Variants in UNC13B observed in about 807,000 individuals in gnomAD.
UNC13B encodes the protein protein unc-13 homolog B.
UNC13B carries 144 observed loss-of-function variants against 211.0 expected under a neutral mutation model. That is an observed-to-expected ratio of 0.68 (90% CI 0.60 to 0.78). UNC13B has a LOEUF of 0.78. Ranked by LOEUF, UNC13B falls within the 30% of genes least tolerant of loss-of-function variation. The probability of loss-of-function intolerance (pLI) is 0.00; values close to 1 mark genes in which losing one functional copy is unlikely to be tolerated. For missense variants in UNC13B, 1,777 were observed against 2,002.0 expected, an observed-to-expected ratio of 0.89 and a Z score of 2.14; for synonymous variants, 709 against 725.8, an observed-to-expected ratio of 0.98 and a Z score of 0.37.
intron 1 of UNC13B, among the ~76,000 whole-genome samples, chr9:35,224,517 G>A (rs1020337992): frequency 6.6e-6 from 1 of 152,164 alleles, no homozygotes; most frequent in East Asian, 1.9e-4. Context: ...CAGATCTAGA[G>A]TTAAAAACAA....
chr9:35,333,481 T>A (rs1392149140), intron 11 of UNC13B, among the ~76,000 whole-genome samples: 1 of 152,196 alleles, frequency 6.6e-6, no homozygotes, highest in Non-Finnish European at 1.5e-5. Flanking sequence ...ATATCATACA[T>A]GTAGAGCAGG....
intron 1 of UNC13B, among the ~76,000 whole-genome samples, chr9:35,181,791 C>T (rs1821954365): frequency 6.6e-6 from 1 of 152,142 alleles, no homozygotes; most frequent in African/African-American, 2.4e-5. Flanking sequence ...GAGGCCAGAT[C>T]AGCCACTGCA....
At chr9:35,220,860 A>G (rs1479985925) in intron 1 of UNC13B, among the ~76,000 whole-genome samples, 2 of 152,120 alleles carry the variant, frequency 1.3e-5, no homozygotes, top group African/African-American at 4.8e-5. Flanking sequence ...GACTCTAATA[A>G]TTATATTCCT....
intron 11 of UNC13B, among the ~76,000 whole-genome samples, chr9:35,315,868 C>T (rs890386284): frequency 2.0e-5 from 3 of 152,144 alleles, no homozygotes; most frequent in East Asian, 1.9e-4. Context: ...TCCTCATGTC[C>T]GGACTGAGGC....
intron 1 of UNC13B, among the ~76,000 whole-genome samples, chr9:35,183,960 C>T (rs1425203076): frequency 4.2e-5 from 6 of 142,934 alleles, no homozygotes; most frequent in Non-Finnish European, 7.6e-5. Flanking sequence ...ACCACCCAGA[C>T]GGGGCGGCGG....
chr9:35,394,457 G>A (rs1278018252), intron 26 of UNC13B, among the ~76,000 whole-genome samples: 4 of 152,108 alleles, frequency 2.6e-5, no homozygotes, highest in Admixed American at 6.5e-5. Context: ...TTAGCCAGGT[G>A]TGCTGGCACA....
chr9:35,237,418 A>C (rs1825573505), intron 4 of UNC13B, among the ~76,000 whole-genome samples: 1 of 152,188 alleles, frequency 6.6e-6, no homozygotes, highest in African/African-American at 2.4e-5. Flanking sequence ...TGCAGGTTAA[A>C]TATTGATCCA....
At chr9:35,364,428 C>G in intron 11 of UNC13B, 5 of 1,125,592 alleles carry the variant, frequency 4.4e-6, no homozygotes, top group Non-Finnish European at 6.3e-6. Context: ...TCCCGAGGAC[C>G]TCTCCCTCTC....
intron 11 of UNC13B, among the ~76,000 whole-genome samples, chr9:35,362,349 A>G (rs1833473021): frequency 6.6e-6 from 1 of 152,214 alleles, no homozygotes; most frequent in African/African-American, 2.4e-5. Flanking sequence ...TTGAATTTGA[A>G]CTAAGCATGC....
intron 11 of UNC13B, chr9:35,353,700 G>A: frequency 8.1e-7 from 1 of 1,232,138 alleles, no homozygotes; most frequent in Non-Finnish European, 1.0e-6. Context: ...CTCAACAAGT[G>A]CATCAACAAT....
intron 1 of UNC13B, among the ~76,000 whole-genome samples, chr9:35,167,313 T>C (rs1821088998): frequency 6.6e-6 from 1 of 152,098 alleles, no homozygotes; most frequent in African/African-American, 2.4e-5. Flanking sequence ...TACTTCATGA[T>C]CCGCCTGCCT....
At chr9:35,235,455 G>A (rs1157137215) in intron 3 of UNC13B, among the ~76,000 whole-genome samples, 4 of 140,716 alleles carry the variant, frequency 2.8e-5, no homozygotes, top group South Asian at 2.4e-4. Context: ...GCCCCGCCCC[G>A]GCTTTTTTGG....
At chr9:35,396,659 A>G (rs895552024) in intron 27 of UNC13B, 57 bp downstream of exon 27, 23 of 1,608,482 alleles carry the variant, frequency 1.4e-5, no homozygotes, top group Non-Finnish European at 1.9e-5. Context: ...GGGCAGGGCT[A>G]GTATCCCCAA....
At chr9:35,208,427 C>T (rs1342195353) in intron 1 of UNC13B, among the ~76,000 whole-genome samples, 2 of 152,122 alleles carry the variant, frequency 1.3e-5, no homozygotes, top group East Asian at 1.9e-4. Context: ...AGTCTGTTCT[C>T]GTACTGCTAT....
chr9:35,170,810 C>T, intron 1 of UNC13B, among the ~76,000 whole-genome samples: 1 of 151,248 alleles, frequency 6.6e-6, no homozygotes, highest in South Asian at 2.1e-4. Context: ...TTATATATAC[C>T]TTCTCTTTTT....
chr9:35,378,603 C>T (rs1834608507), intron 17 of UNC13B, among the ~76,000 whole-genome samples, 167 bp downstream of exon 17: 1 of 152,150 alleles, frequency 6.6e-6, no homozygotes, highest in Non-Finnish European at 1.5e-5. Flanking sequence ...TGGTTTTCTT[C>T]TCATGAGCTG....
At chr9:35,224,535 A>C (rs566540107) in intron 1 of UNC13B, among the ~76,000 whole-genome samples, 1 of 152,158 alleles carries the variant, frequency 6.6e-6, no homozygotes, top group Non-Finnish European at 1.5e-5. Context: ...CAAACAGTGG[A>C]GTCTTTAGGT....
At chr9:35,385,862 A>G (rs1348345716) in intron 23 of UNC13B, 49 bp downstream of exon 23, 1 of 1,575,048 alleles carries the variant, frequency 6.3e-7, no homozygotes, top group African/African-American at 1.4e-5. Flanking sequence ...AGACCTGGCT[A>G]CAGGAACGTG....
intron 11 of UNC13B, among the ~76,000 whole-genome samples, chr9:35,363,569 C>A (rs1036270974): frequency 6.6e-6 from 1 of 152,106 alleles, no homozygotes; most frequent in Non-Finnish European, 1.5e-5. Context: ...AAATTGGGAA[C>A]CTGTGAATTC....
Sources: gnomAD v4.1 joint callset for allele counts (sites outside exome capture counted in the v4.1 genomes callset) on GRCh38, gnomAD v4.1.1 for gene constraint, MANE v1.5 for transcripts, NCBI Gene and HGNC (gene_info 2026-07-23, HGNC 2026-07-21) for gene names.